Variants in KRT28 observed in about 807,000 individuals in gnomAD.
KRT28 encodes the protein keratin 28.
In KRT28, 45 loss-of-function variants were observed where a neutral mutation model predicts 48.1. That is an observed-to-expected ratio of 0.94 (90% CI 0.74 to 1.20). The LOEUF (loss-of-function observed/expected upper bound fraction) is 1.20. Among genes scored for constraint, KRT28 ranks in the 50% most tolerant of loss-of-function variants. KRT28 has a pLI of 0.00. For missense variants in KRT28, 571 were observed against 574.1 expected (o/e 0.99, Z 0.06); for synonymous variants, 228 against 227.4 (o/e 1.00, Z -0.03).
chr17:40,797,187 A>G lies in KRT28; in HGVS notation c.785T>C (p.Met262Thr). Residue 262 changes from methionine (M) to threonine (T), a missense_variant, in exon 4 of 8, where the codon ATG becomes ACG. Coordinates refer to ENST00000306658, the MANE Select transcript of KRT28 (RefSeq NM_181535.3). ...TGCAAGGGCTTCGTACTCCGCTCGC[A>G]TGTTGTTCAACAAAACCGCGAGGTC... ...GVDLAVLLNNMRAEYEALAEQ... is the reference protein window; with the variant it reads ...GVDLAVLLNNTRAEYEALAEQ... 2 of 1,614,114 alleles carry G rather than the reference A, an allele frequency of 1.2e-6. No individual in the cohort carries two copies. The highest frequency in any genetic ancestry group is 1.7e-6 in the Non-Finnish European group (2 of 1,180,008).
chr17:40,794,710 CT>C (rs1309550235), intron 5 of KRT28, among the ~76,000 whole-genome samples: 2 of 152,164 alleles, frequency 1.3e-5, no homozygotes, highest in Non-Finnish European at 2.9e-5. Flanking sequence ...GTCTTGGCAC[CT>C]GCTGCCTCCT....
intron 3 of KRT28, 123 bp from the exon 4 acceptor site, chr17:40,797,404 A>T: frequency 1.1e-6 from 1 of 875,286 alleles, no homozygotes; most frequent in Non-Finnish European, 1.8e-6. Flanking sequence ...ATGGCACACA[A>T]TTTTTTAATT....
Position 40,799,801 on chromosome 17 carries a change from T to A in KRT28, c.93A>T (p.Ala31=). The A allele has an allele frequency of 6.2e-7, 1 of 1,614,020 alleles. No individual in the cohort carries two copies. The highest frequency in any genetic ancestry group is 8.5e-7 in the Non-Finnish European group (1 of 1,179,956). Residue 31 remains alanine (A), a synonymous_variant, in exon 1 of 8, where the codon GCA becomes GCT. Transcript: ENST00000306658. The stretch of plus-strand genomic sequence containing the variant: ...CAGAGCCACCACATGCACTGCTGCC[T>A]GCAAAGCCTGCACCTCCATTGAGGG... ...VRPLNGGAGF[A]GSSACGGSVA...
chr17:40,792,506 A>G lies in KRT28; in HGVS notation c.1316T>C (p.Leu439Pro). The G allele has an allele frequency of 6.2e-7, 1 of 1,613,568 alleles. No homozygotes were observed. Among genetic ancestry groups the G allele is most frequent in the Non-Finnish European group, 8.5e-7 (1 of 1,179,708 alleles). The change falls in exon 8 of 8, where the codon CTT (leucine) becomes CCT (proline). Residue 439 changes from leucine to proline, a missense_variant. Physicochemically the swap from Leu to Pro is moderately conservative, Grantham distance 98. Coordinates refer to ENST00000306658, the MANE Select transcript of KRT28 (RefSeq NM_181535.3). The part of the protein sequence containing the change: ...VEELDQRGKV[L>P]SSRIHSIEEK... ...TTCAATGGAGTGAATCCTTGATGAAAGAACTTTACCACGTTGATCTAGCTC... is the reference window on the plus strand; with the variant it reads ...TTCAATGGAGTGAATCCTTGATGAAGGAACTTTACCACGTTGATCTAGCTC...
At position 40,796,965 on chromosome 17, in the gene KRT28, C is replaced by T; in HGVS notation, c.929G>A (p.Arg310Lys). The T allele has an allele frequency of 6.2e-7, 1 of 1,612,886 alleles. No homozygotes were observed. The highest frequency in any genetic ancestry group is 8.5e-7 in the Non-Finnish European group (1 of 1,179,796). ...TFARSQLTEM[R>K]RTLQTLEIQL... is the part of the protein sequence containing the mutation. The stretch of plus-strand genomic sequence containing the variant: ...GATCTCCAGGGTCTGCAGGGTGCGC[C>T]TCATCTCGGTGAGCTGGCTCCGGGC... Residue 310 changes from arginine to lysine, a missense_variant, in exon 5 of 8, where the codon AGG becomes AAG. By Grantham distance (26) the Arg-to-Lys change is conservative. Coordinates refer to ENST00000306658, the MANE Select transcript of KRT28 (RefSeq NM_181535.3).
At chr17:40,799,145 TA>T (rs1448486491) in intron 1 of KRT28, 146 bp from the exon 2 acceptor site, 77 of 581,308 alleles carry the variant, frequency 1.3e-4, no homozygotes, top group Non-Finnish European at 2.1e-4. Context: ...GTTTAACTTT[TA>T]AAAATTAAAG....
intron 5 of KRT28, among the ~76,000 whole-genome samples, chr17:40,795,369 T>G (rs1558284): frequency 0.051 from 7,796 of 152,234 alleles, 283 homozygotes; most frequent in Non-Finnish European, 0.083. Context: ...GCTAATACAC[T>G]CATAAGTCAG....
At chr17:40,793,708 G>T (rs1009827203) in intron 6 of KRT28, 121 bp downstream of exon 6, 21 of 902,620 alleles carry the variant, frequency 2.3e-5, no homozygotes, top group Non-Finnish European at 3.0e-5. Context: ...ACAAGAGATG[G>T]ACATGCTTTT....
rs754653775 is a variant in KRT28 at position 40,797,268 on chromosome 17, A to G, written c.704T>C (p.Leu235Pro). 2.5e-6 allele frequency: 4 copies of G among 1,613,632 alleles called. No homozygotes were observed. The Admixed American group carries it at 5.0e-5, about 20-fold the overall frequency. ...KKNHEEEMKA[L>P]QCAAGGNVNV... ...CACGTTGCCCCCAGCCGCGCACTGC[A>G]GAGCCTTCATCTCCTGGAGAGAAGC... Residue 235 changes from leucine to proline, a missense_variant, in exon 4 of 8, where the codon CTG becomes CCG. By Grantham distance (98) the Leu-to-Pro change is moderately conservative (BLOSUM62 -3). Transcript: ENST00000306658.
Position 40,793,170 on chromosome 17 carries a change from C to A in KRT28, c.1237G>T (p.Gly413Trp). Residue 413 changes from glycine (G) to tryptophan (W), a missense_variant, in exon 7 of 8, where the codon GGG becomes TGG. By Grantham distance (184) the Gly-to-Trp change is radical. Coordinates refer to ENST00000306658, the MANE Select transcript of KRT28 (RefSeq NM_181535.3). The part of the protein sequence containing the change: ...KSKGFGSGSP[G>W]NSSKDLSKTT... ...ATTTTATTACCTTTAGATGAATTCC[C>A]AGGGCTTCCTGATCCAAAGCCCTTT... 2 of 1,565,728 alleles carry A rather than the reference C, an allele frequency of 1.3e-6. No individual in the cohort carries two copies. Among genetic ancestry groups the A allele is most frequent in the Non-Finnish European group, 8.6e-7 (1 of 1,156,398 alleles).
At chr17:40,798,459 C>A in intron 2 of KRT28, 68 bp from the exon 3 acceptor site, 1 of 1,502,960 alleles carries the variant, frequency 6.7e-7, no homozygotes, top group Non-Finnish European at 9.0e-7. Flanking sequence ...TATTCAATCC[C>A]AATTGCTTTA....
chr17:40,795,524 A>G (rs1420832006), intron 5 of KRT28, among the ~76,000 whole-genome samples: 1 of 152,194 alleles, frequency 6.6e-6, no homozygotes, highest in Non-Finnish European at 1.5e-5. Context: ...CAACTTACAA[A>G]TGACTTGTGT....
rs754706913 is a variant in KRT28, at chr17:40,799,861, A to G, written c.33T>C (p.His11=). MSLQFSNGSR[H]VCLRSGAGSV... is the part of the protein sequence containing the mutation. Reference sequence around the variant, plus strand: ...ATCCAGCTCCAGACCTTAAGCAAACATGCCTGGATCCATTAGAAAATTGGA... The same window carrying G: ...ATCCAGCTCCAGACCTTAAGCAAACGTGCCTGGATCCATTAGAAAATTGGA... The change falls in exon 1 of 8, where the codon CAT becomes CAC. Residue 11 remains histidine (H), a synonymous_variant. Coordinates refer to ENST00000306658, the MANE Select transcript of KRT28 (RefSeq NM_181535.3). The G allele has an allele frequency of 3.7e-6, 6 of 1,613,200 alleles. No individual in the cohort carries two copies. The South Asian group carries it at 4.4e-5, about 12-fold the overall frequency.
chr17:40,793,090 ACT>A, intron 7 of KRT28, 63 bp downstream of exon 7: 1 of 1,078,458 alleles, frequency 9.3e-7, no homozygotes, highest in South Asian at 1.5e-5. Flanking sequence ...ACAGAGCGAG[ACT>A]CTGTCTCAAA....
rs769997190 is a variant in KRT28, at chr17:40,799,791, C to T, written c.103G>A (p.Ala35Thr). The T allele has an allele frequency of 2.5e-6, 4 of 1,613,968 alleles. No homozygotes were observed. The highest frequency in any genetic ancestry group is 1.7e-6 in the Non-Finnish European group (2 of 1,180,024). The change falls in exon 1 of 8, where the codon GCA becomes ACA. Residue 35 changes from alanine (A) to threonine (T), a missense_variant. Coordinates refer to ENST00000306658, the MANE Select transcript of KRT28 (RefSeq NM_181535.3). ...CTTCCAGCAACAGAGCCACCACATG[C>T]ACTGCTGCCTGCAAAGCCTGCACCT... The part of the protein sequence containing the change: ...NGGAGFAGSS[A>T]CGGSVAGSEF...
At chr17:40,798,490 A>T (rs1904673911) in intron 2 of KRT28, 99 bp from the exon 3 acceptor site, 1 of 1,287,022 alleles carries the variant, frequency 7.8e-7, no homozygotes. Flanking sequence ...TAGAAATTGA[A>T]TTAGGACTGT....
In KRT28 at chr17:40,797,109, G is replaced by A. The variant is rs746717877; in HGVS notation, c.852+11C>T. On this transcript the variant is annotated intron_variant, in intron 4 of 7. Transcript: ENST00000306658. ...GGGGAGGTGTGAGCAGGGAGACGGGGCCCACCTCACCTTCTCATTGAACCA... is the reference window on the plus strand; with the variant it reads ...GGGGAGGTGTGAGCAGGGAGACGGGACCCACCTCACCTTCTCATTGAACCA... 39 of 1,613,194 alleles carry A rather than the reference G, an allele frequency of 2.4e-5. No individual in the cohort carries two copies. The highest frequency in any genetic ancestry group is 3.1e-5 in the Non-Finnish European group (36 of 1,179,434).
chr17:40,799,957 C>A lies in KRT28; in HGVS notation c.-64G>T. 3 of 1,260,544 alleles carry A rather than the reference C, an allele frequency of 2.4e-6. No homozygotes were observed. Among genetic ancestry groups the A allele is most frequent in the Non-Finnish European group, 3.3e-6 (3 of 897,812 alleles). 78.1% of individuals were successfully genotyped at this position (1,260,544 alleles called of 1,614,324 possible). ...GTAATGTCCCAAGAGAACAGAATAT[C>A]ATGCACTGATAATTTCTTTGGGTTT... On this transcript the variant is annotated 5_prime_UTR_variant, in exon 1 of 8. The change abolishes an upstream ATG in the 5' untranslated region. Coordinates refer to ENST00000306658, the MANE Select transcript of KRT28 (RefSeq NM_181535.3).
chr17:40,798,434 C>T (rs1904672412), intron 2 of KRT28, 43 bp from the exon 3 acceptor site: 3 of 1,568,850 alleles, frequency 1.9e-6, no homozygotes, highest in Non-Finnish European at 2.6e-6. Context: ...GTAAGACTAC[C>T]CCAAGAAACA....
Sources: allele counts gnomAD v4.1 joint callset (sites outside exome capture counted in the v4.1 genomes callset), GRCh38; gene constraint gnomAD v4.1.1; transcripts MANE v1.5; gene names NCBI Gene and HGNC (gene_info 2026-07-23, HGNC 2026-07-21).